EMP2: variants seen among roughly 807,000 people sequenced by gnomAD.
EMP2 encodes the protein epithelial membrane protein 2.
Under a neutral mutation model 13.7 loss-of-function variants are expected in EMP2, and 19 were observed. The observed-to-expected ratio is 1.38, with a 90% CI of 0.97 to 2.03. EMP2 has a LOEUF of 2.03. Ranked by LOEUF, EMP2 falls within the 30% of genes most tolerant of loss-of-function variation. The probability of loss-of-function intolerance (pLI) is 0.00; values close to 1 mark genes in which losing one functional copy is unlikely to be tolerated. For missense variants in EMP2, 253 were observed against 220.7 expected, an observed-to-expected ratio of 1.15 and a Z score of -0.93; for synonymous variants, 97 against 84.7, an observed-to-expected ratio of 1.15 and a Z score of -0.80.
At chr16:10,572,545 T>G (rs1485270441) in intron 1 of EMP2, among the ~76,000 whole-genome samples, 1 of 152,168 alleles carries the variant, frequency 6.6e-6, no homozygotes, top group African/African-American at 2.4e-5. Flanking sequence ...CCATCTTTGT[T>G]CACTACCCGG....
intron 3 of EMP2, among the ~76,000 whole-genome samples, chr16:10,541,912 A>G (rs2050702506): frequency 6.6e-6 from 1 of 152,184 alleles, no homozygotes; most frequent in Non-Finnish European, 1.5e-5. Context: ...CCCATGCCTC[A>G]CAGTAAACTT....
At chr16:10,547,845 C>CTGGTCTT (rs2050751577) in intron 1 of EMP2, among the ~76,000 whole-genome samples, 168 bp from the exon 2 acceptor site, 1 of 151,950 alleles carries the variant, frequency 6.6e-6, no homozygotes, top group South Asian at 2.1e-4. Context: ...CCAGCCCAGG[C>CTGGTCTT]AACATAGTAA....
chr16:10,545,219 G>C (rs537994363), intron 2 of EMP2: 2 of 152,258 alleles, frequency 1.3e-5, no homozygotes, highest in East Asian at 3.9e-4. Context: ...ACCTTTTCAG[G>C]ATCCCAAAGG....
At chr16:10,569,419 A>G (rs2050931725) in intron 1 of EMP2, among the ~76,000 whole-genome samples, 1 of 152,054 alleles carries the variant, frequency 6.6e-6, no homozygotes, top group African/African-American at 2.4e-5. Context: ...TGCAGCCTTG[A>G]CCTCCTGGGC....
At chr16:10,543,784 C>A in intron 2 of EMP2, 124 bp from the exon 3 acceptor site, 1 of 869,554 alleles carries the variant, frequency 1.2e-6, no homozygotes, top group Non-Finnish European at 1.9e-6. Context: ...GTGAGAATTG[C>A]CTGAGGAGCT....
intron 1 of EMP2, among the ~76,000 whole-genome samples, chr16:10,550,974 C>CAAA (rs59602519): frequency 7.0e-6 from 1 of 143,714 alleles, no homozygotes; most frequent in African/African-American, 2.6e-5. Context: ...GATTCCATCT[C>CAAA]AAAAAAAAAA....
chr16:10,571,662 C>T (rs1050970068), intron 1 of EMP2, among the ~76,000 whole-genome samples: 7 of 152,166 alleles, frequency 4.6e-5, no homozygotes, highest in Non-Finnish European at 8.8e-5. Context: ...GTATGGGAAA[C>T]GGACTGCAAG....
At chr16:10,536,461 C>T (rs2142169372) in intron 4 of EMP2, among the ~76,000 whole-genome samples, 1 of 152,250 alleles carries the variant, frequency 6.6e-6, no homozygotes, top group African/African-American at 2.4e-5. Context: ...GAGTAAGTCT[C>T]ACAAGATATG....
rs199780500 is a variant in EMP2, at chr16:10,540,888, G to C, written c.169+2682C>G. ...GAATCGCTTGAGCTCAGGAGTTCAA[G>C]ACCAGCATGGGCAACATGGTAAAAC... On this transcript the variant is annotated intron_variant, in intron 3 of 4. Transcript: ENST00000359543. 7.2e-5 allele frequency among the ~76,000 whole-genome samples: 11 copies of C among 152,138 alleles called. No individual in the cohort carries two copies. The East Asian group carries it at 2.1e-3, about 29-fold the overall frequency.
intron 1 of EMP2, among the ~76,000 whole-genome samples, chr16:10,573,698 A>T (rs530238017): frequency 5.9e-5 from 9 of 152,296 alleles, no homozygotes; most frequent in African/African-American, 2.2e-4. Context: ...TATCCTTTCA[A>T]TCCAGTTCCT....
intron 1 of EMP2, among the ~76,000 whole-genome samples, chr16:10,568,780 CTTTTTTTTTTTT>C (rs58406598): frequency 1.2e-5 from 1 of 85,234 alleles, no homozygotes; most frequent in African/African-American, 4.6e-5. Context: ...CTAGGATTTT[CTTTTTTTTTTTT>C]TTTTTTTTTT....
chr16:10,578,472 C>T (rs893440889), intron 1 of EMP2, among the ~76,000 whole-genome samples: 5 of 152,194 alleles, frequency 3.3e-5, no homozygotes, highest in Non-Finnish European at 5.9e-5. Context: ...CACAATAAAA[C>T]GCCACCAAGC....
chr16:10,552,834 T>C (rs1180194228), intron 1 of EMP2, among the ~76,000 whole-genome samples: 3 of 152,034 alleles, frequency 2.0e-5, no homozygotes, highest in Non-Finnish European at 4.4e-5. Flanking sequence ...CTTTAAGCTC[T>C]GGGAATGGTT....
chr16:10,536,783 G>T (rs958755457), intron 4 of EMP2, among the ~76,000 whole-genome samples: 5 of 152,116 alleles, frequency 3.3e-5, no homozygotes, highest in Admixed American at 6.6e-5. Context: ...GCCATGCTTG[G>T]CTAATTTTTT....
At chr16:10,572,657 C>T (rs1596383032) in intron 1 of EMP2, among the ~76,000 whole-genome samples, 1 of 152,156 alleles carries the variant, frequency 6.6e-6, no homozygotes. Context: ...TAAGGATTAT[C>T]TCCAGAATAA....
chr16:10,579,708 G>GCACACACACACACACACAAACA lies in EMP2; in HGVS notation c.-61+840_-61+841insTGTTTGTGTGTGTGTGTGTGTG, dbSNP rs1312416432. On this transcript the variant is annotated intron_variant, in intron 1 of 4. Transcript: ENST00000359543. ...CACAGCTGAATTATAAGATCAAGGT[G>GCACACACACACACACACAAACA]CACACACACACACACACACACACAC... Among the ~76,000 whole-genome samples, 361 of 146,778 alleles carry GCACACACACACACACACAAACA rather than the reference G, an allele frequency of 2.5e-3. 3 individuals carry two copies. The highest frequency in any genetic ancestry group is 0.01 in the East Asian group (52 of 4,956).
chr16:10,567,954 G>T (rs555442665), intron 1 of EMP2, among the ~76,000 whole-genome samples: 16 of 152,314 alleles, frequency 1.1e-4, no homozygotes, highest in African/African-American at 3.8e-4. Flanking sequence ...CTTGTCAAAG[G>T]TCACACCCCC....
chr16:10,560,610 G>T (rs148365737), intron 1 of EMP2, among the ~76,000 whole-genome samples: 2 of 152,354 alleles, frequency 1.3e-5, no homozygotes, highest in Non-Finnish European at 2.9e-5. Flanking sequence ...CCCTGGGGCT[G>T]CCGGGTCCCT....
rs183180092 is a variant in EMP2, at chr16:10,530,165, G to A, written c.*2740C>T. On this transcript the variant is annotated 3_prime_UTR_variant, in exon 5 of 5. Transcript: ENST00000359543. ...CCCCAGGTCACCCTGTACTGCATTG[G>A]TGGCTTCTCCATAGGGAGGGGGTCC... is the stretch of plus-strand genomic sequence containing the variant. The A allele has an allele frequency of 6.6e-6, 1 of 152,256 alleles. No homozygotes were observed. Among genetic ancestry groups the A allele is most frequent in the Admixed American group, 6.5e-5 (1 of 15,290 alleles). The allele number at this position is 152,256 out of a possible 1,614,324, so 9.4% of individuals were successfully genotyped here. A position where few individuals can be genotyped will look rare whatever the true frequency, so the allele number is the denominator to read the frequency against.
Sources: allele counts gnomAD v4.1 joint callset (sites outside exome capture counted in the v4.1 genomes callset), GRCh38; gene constraint gnomAD v4.1.1; transcripts MANE v1.5; gene names NCBI Gene and HGNC (gene_info 2026-07-23, HGNC 2026-07-21).